Variants in FBXO16 observed in about 807,000 individuals in gnomAD.
FBXO16 encodes F-box protein 16.
A neutral mutation model predicts 41.0 loss-of-function variants in FBXO16; 31 were observed. The ratio of observed to expected loss-of-function variants is 0.76; its 90% CI spans 0.57 to 1.02. FBXO16 has a LOEUF of 1.02. FBXO16 is among the 50% of genes least tolerant of loss of function. FBXO16 has a pLI of 0.00. For missense variants in FBXO16, 361 were observed against 346.2 expected (o/e 1.04, Z -0.34); for synonymous variants, 133 against 117.8 (o/e 1.13, Z -0.84).
At chr8:28,440,074 C>T (rs1006950654) in intron 7 of FBXO16, among the ~76,000 whole-genome samples, 4 of 147,352 alleles carry the variant, frequency 2.7e-5, no homozygotes, top group Non-Finnish European at 5.9e-5. Context: ...ACCCATGGGG[C>T]CCCATAGCAA....
intron 7 of FBXO16, among the ~76,000 whole-genome samples, chr8:28,441,856 GTATA>G (rs1802782234): frequency 2.7e-5 from 4 of 147,024 alleles, no homozygotes. Flanking sequence ...TATAATGTGT[GTATA>G]TATATGTGTG....
intron 3 of FBXO16, among the ~76,000 whole-genome samples, chr8:28,470,790 T>C (rs1380576047): frequency 6.6e-6 from 1 of 152,206 alleles, no homozygotes; most frequent in Admixed American, 6.5e-5. Flanking sequence ...GATATTTGTA[T>C]TTTTCTTATT....
intron 2 of FBXO16, among the ~76,000 whole-genome samples, chr8:28,475,418 C>T (rs1372600730): frequency 6.6e-6 from 1 of 152,174 alleles, no homozygotes; most frequent in Admixed American, 6.5e-5. Context: ...TAACTGCCAC[C>T]TGGGCTACCA....
chr8:28,470,466 A>G (rs1353780619), intron 3 of FBXO16, among the ~76,000 whole-genome samples: 1 of 152,238 alleles, frequency 6.6e-6, no homozygotes, highest in African/African-American at 2.4e-5. Context: ...TCTCTAGTAT[A>G]CATAAATAGA....
intron 4 of FBXO16, among the ~76,000 whole-genome samples, chr8:28,458,092 C>T (rs987298629): frequency 1.3e-5 from 2 of 152,180 alleles, no homozygotes; most frequent in African/African-American, 4.8e-5. Flanking sequence ...AGAAAACTGG[C>T]CTCTTTTTCA....
intron 3 of FBXO16, among the ~76,000 whole-genome samples, chr8:28,470,567 C>G (rs1008084656): frequency 2.0e-5 from 3 of 152,172 alleles, no homozygotes; most frequent in Non-Finnish European, 4.4e-5. Context: ...AAGTATCTTC[C>G]TGCTTTCCAG....
chr8:28,473,680 A>G (rs763525675), intron 3 of FBXO16, 92 bp downstream of exon 3: 12 of 1,078,262 alleles, frequency 1.1e-5, no homozygotes, highest in Admixed American at 2.1e-5. Context: ...TCTGTTATTT[A>G]TAAGCCACCC....
intron 7 of FBXO16, among the ~76,000 whole-genome samples, chr8:28,438,102 G>C (rs564869485): frequency 6.6e-6 from 1 of 152,166 alleles, no homozygotes; most frequent in Non-Finnish European, 1.5e-5. Context: ...GATAGCTTGA[G>C]ACCCGGAGCT....
chr8:28,429,281 C>A (rs1802572456), intron 8 of FBXO16, 97 bp downstream of exon 8: 6 of 1,386,154 alleles, frequency 4.3e-6, no homozygotes, highest in Admixed American at 3.4e-5. Context: ...CTGTGCCCAG[C>A]CTGTTCCCAT....
chr8:28,477,381 G>A (rs559917669), intron 2 of FBXO16, among the ~76,000 whole-genome samples: 23 of 152,210 alleles, frequency 1.5e-4, no homozygotes, highest in Admixed American at 6.5e-4. Context: ...GTCTCCTCGG[G>A]CATCTATTTT....
intron 6 of FBXO16, 139 bp from the exon 7 acceptor site, chr8:28,447,412 G>A (rs1465164855): frequency 3.4e-5 from 23 of 680,022 alleles, no homozygotes; most frequent in African/African-American, 5.5e-5. Flanking sequence ...TAAGCCAAAT[G>A]TCTATCAATA....
At chr8:28,454,550 A>G (rs1803006539) in intron 5 of FBXO16, among the ~76,000 whole-genome samples, 1 of 151,308 alleles carries the variant, frequency 6.6e-6, no homozygotes, top group Non-Finnish European at 1.5e-5. Context: ...AACATGGTGA[A>G]ACCCCATCTC....
intron 5 of FBXO16, among the ~76,000 whole-genome samples, 154 bp from the exon 6 acceptor site, chr8:28,452,630 G>A (rs554525855): frequency 1.1e-3 from 161 of 152,180 alleles, no homozygotes; most frequent in African/African-American, 3.6e-3. Flanking sequence ...GTGAAACCCC[G>A]TCTCTACTAA....
intron 6 of FBXO16, chr8:28,449,218 T>C (rs1203219047): frequency 2.0e-5 from 3 of 150,486 alleles, no homozygotes; most frequent in African/African-American, 7.3e-5. Context: ...ACAAACAAAT[T>C]GCAAGGAAAA....
chr8:28,482,272 G>T (rs1396156984), intron 2 of FBXO16, among the ~76,000 whole-genome samples: 1 of 152,166 alleles, frequency 6.6e-6, no homozygotes, highest in Non-Finnish European at 1.5e-5. Flanking sequence ...GATTGACTTG[G>T]TATAAAATAG....
Position 28,465,631 on chromosome 8 carries a change from A to G in FBXO16, c.136-1813T>C, listed in dbSNP as rs550774427. ...CCCTGTCAATAAAAATAAAAAAAAA[A>G]TAAAAAATTTTTAAAAAAGCAGAAA... On this transcript the variant is annotated intron_variant, in intron 3 of 8. Transcript: ENST00000380254. Among the ~76,000 whole-genome samples, 6 of 152,172 alleles carry G rather than the reference A, an allele frequency of 3.9e-5. No individual in the cohort carries two copies. In the East Asian group the frequency reaches 1.2e-3, roughly 29 times the overall value.
chr8:28,430,272 T>G (rs917166462), intron 7 of FBXO16, among the ~76,000 whole-genome samples: 2 of 151,992 alleles, frequency 1.3e-5, no homozygotes, highest in Non-Finnish European at 2.9e-5. Context: ...GAGATGAGGG[T>G]CTTCCTATGT....
intron 5 of FBXO16, 159 bp downstream of exon 5, chr8:28,456,607 A>C: frequency 1.2e-6 from 1 of 844,352 alleles, no homozygotes; most frequent in East Asian, 2.5e-5. Context: ...TGTCTTGAAA[A>C]CAACTATCAA....
chr8:28,489,654 T>G (rs1363537737), intron 1 of FBXO16, among the ~76,000 whole-genome samples: 1 of 150,916 alleles, frequency 6.6e-6, no homozygotes, highest in Non-Finnish European at 1.5e-5. Flanking sequence ...GAGCGATGAT[T>G]GCACCACTGC....
Sources: gnomAD v4.1 joint callset for allele counts (sites outside exome capture counted in the v4.1 genomes callset) on GRCh38, gnomAD v4.1.1 for gene constraint, MANE v1.5 for transcripts, NCBI Gene and HGNC (gene_info 2026-07-23, HGNC 2026-07-21) for gene names.